The following ASTN2 variants were observed in gnomAD, a reference collection of about 807,000 sequenced individuals.
ASTN2 encodes the protein astrotactin 2, also known as astrotactin-2.
ASTN2 carries 54 observed loss-of-function variants against 139.8 expected under a neutral mutation model. The ratio of observed to expected loss-of-function variants is 0.39; its 90% confidence interval spans 0.31 to 0.48. The LOEUF (loss-of-function observed/expected upper bound fraction) is 0.48, where lower values mean the gene tolerates loss of function less well. Among genes scored for constraint, ASTN2 ranks in the 20% least tolerant of loss-of-function variants. The pLI is 0.95. For missense variants in ASTN2, 1,565 were observed against 1,725.1 expected, an observed-to-expected ratio of 0.91 and a Z score of 1.64; for synonymous variants, 756 against 719.5, an observed-to-expected ratio of 1.05 and a Z score of -0.81.
chr9:116,512,643 C>A (rs1167674991), intron 19 of ASTN2, among the ~76,000 whole-genome samples: 1 of 152,118 alleles, frequency 6.6e-6, no homozygotes, highest in Non-Finnish European at 1.5e-5. Flanking sequence ...GTCTAAGTCT[C>A]TTTGTAAGTC....
chr9:116,680,868 G>A (rs1353122026), intron 16 of ASTN2, among the ~76,000 whole-genome samples: 3 of 152,220 alleles, frequency 2.0e-5, no homozygotes, highest in East Asian at 3.9e-4. Flanking sequence ...TTGATGGGAC[G>A]TATTTGAAAA....
intron 7 of ASTN2, among the ~76,000 whole-genome samples, chr9:116,980,262 T>A (rs992659016): frequency 1.3e-5 from 2 of 152,078 alleles, no homozygotes; most frequent in Non-Finnish European, 2.9e-5. Flanking sequence ...TAGTGAAGAA[T>A]GAAGCTAGTG....
At chr9:116,661,640 G>C (rs1588155639) in intron 16 of ASTN2, among the ~76,000 whole-genome samples, 1 of 152,152 alleles carries the variant, frequency 6.6e-6, no homozygotes, top group East Asian at 1.9e-4. Flanking sequence ...AAAGAAGACA[G>C]TAAGAGAAAA....
intron 3 of ASTN2, among the ~76,000 whole-genome samples, chr9:117,173,912 A>C (rs2132931274): frequency 6.6e-6 from 1 of 151,816 alleles, no homozygotes; most frequent in South Asian, 2.1e-4. Context: ...GTTTTTTTAA[A>C]CCTTTTATCA....
intron 19 of ASTN2, among the ~76,000 whole-genome samples, chr9:116,579,748 C>A (rs763120133): frequency 3.3e-5 from 5 of 152,132 alleles, no homozygotes; most frequent in Non-Finnish European, 7.3e-5. Context: ...AATAAAATAA[C>A]CCCGGCTCTG....
chr9:117,069,315 G>A (rs1394415080), intron 5 of ASTN2, among the ~76,000 whole-genome samples: 5 of 108,680 alleles, frequency 4.6e-5, no homozygotes, highest in Admixed American at 8.7e-5. Context: ...GTAGTTGAGC[G>A]GCTTTGAGTG....
chr9:117,198,605 T>C (rs1831592206), intron 3 of ASTN2, among the ~76,000 whole-genome samples: 1 of 152,186 alleles, frequency 6.6e-6, no homozygotes, highest in African/African-American at 2.4e-5. Flanking sequence ...TAAACATACA[T>C]GTGCATGTAT....
chr9:117,344,143 A>G (rs1829143501), intron 1 of ASTN2, among the ~76,000 whole-genome samples: 1 of 152,014 alleles, frequency 6.6e-6, no homozygotes, highest in South Asian at 2.1e-4. Flanking sequence ...ATGCCTGAAA[A>G]ACGATGCCAG....
chr9:116,465,739 C>T (rs552517049), intron 20 of ASTN2, among the ~76,000 whole-genome samples: 65 of 152,230 alleles, frequency 4.3e-4, no homozygotes, highest in African/African-American at 1.5e-3. Flanking sequence ...AAACACAAAC[C>T]CACTTTGCTC....
intron 2 of ASTN2, among the ~76,000 whole-genome samples, chr9:117,259,289 C>T (rs1224174465): frequency 6.6e-6 from 1 of 152,094 alleles, no homozygotes; most frequent in Admixed American, 6.5e-5. Context: ...GTATATACAA[C>T]CAATGTATAA....
intron 17 of ASTN2, among the ~76,000 whole-genome samples, chr9:116,632,959 G>T (rs1394901625): frequency 6.6e-6 from 1 of 152,206 alleles, no homozygotes; most frequent in Non-Finnish European, 1.5e-5. Context: ...AAAGTTTGTT[G>T]TATGAACGCC....
chr9:117,088,107 A>T (rs1828614474), intron 5 of ASTN2, among the ~76,000 whole-genome samples: 1 of 152,160 alleles, frequency 6.6e-6, no homozygotes, highest in Admixed American at 6.5e-5. Context: ...GACTGAATGG[A>T]TTACCTTTAG....
intron 20 of ASTN2, among the ~76,000 whole-genome samples, chr9:116,461,946 G>C (rs934854177): frequency 3.9e-5 from 6 of 152,080 alleles, no homozygotes; most frequent in African/African-American, 1.4e-4. Context: ...ACATATTTTA[G>C]GTCAGGCATC....
chr9:116,635,728 G>A lies in ASTN2; in HGVS notation c.3073-15285C>T, dbSNP rs549517217. On this transcript the variant is annotated intron_variant, in intron 17 of 22. Transcript: ENST00000313400. ...TAATTTCTGAAAAAGCTCCAGGTTG[G>A]AGCAAGCTGAAGTTGAAGAAGCCAA... 6.6e-5 allele frequency among the ~76,000 whole-genome samples: 10 copies of A among 152,280 alleles called. No homozygotes were observed. In the South Asian group the frequency reaches 2.1e-3, roughly 32 times the overall value.
intron 1 of ASTN2, among the ~76,000 whole-genome samples, chr9:117,356,086 A>T (rs760705533): frequency 4.6e-5 from 7 of 152,088 alleles, no homozygotes; most frequent in Non-Finnish European, 8.8e-5. Flanking sequence ...CGTCATCCCC[A>T]TTTTGTCTAT....
intron 2 of ASTN2, among the ~76,000 whole-genome samples, chr9:117,276,207 T>G (rs532379437): frequency 6.6e-6 from 1 of 152,172 alleles, no homozygotes; most frequent in Non-Finnish European, 1.5e-5. Context: ...ATGATTTTAT[T>G]TGAGAAGGTA....
chr9:116,721,591 C>G lies in ASTN2; in HGVS notation c.2806+4180G>C, dbSNP rs116453054. On this transcript the variant is annotated intron_variant, in intron 16 of 22. Transcript: ENST00000313400. Reference sequence around the variant, plus strand: ...GGAGCAGAGGTGATGGCTAAAGAAACCTGACAGGCTAAACAGCTTCCATGC... The same window carrying G: ...GGAGCAGAGGTGATGGCTAAAGAAAGCTGACAGGCTAAACAGCTTCCATGC... Among the ~76,000 whole-genome samples, 497 of 152,294 alleles carry G rather than the reference C, an allele frequency of 3.3e-3. 2 individuals carry two copies. The highest frequency in any genetic ancestry group is 0.011 in the African/African-American group (444 of 41,552).
chr9:117,175,983 TA>T (rs953230960), intron 3 of ASTN2, among the ~76,000 whole-genome samples: 17 of 151,926 alleles, frequency 1.1e-4, no homozygotes, highest in Non-Finnish European at 2.5e-4. Flanking sequence ...CTTATGTTTT[TA>T]AATATGATTA....
chr9:116,738,615 A>G (rs1190065971), intron 13 of ASTN2, among the ~76,000 whole-genome samples: 1 of 152,234 alleles, frequency 6.6e-6, no homozygotes, highest in Non-Finnish European at 1.5e-5. Context: ...GATGGAAATT[A>G]AAACAGATAT....
Sources: allele counts gnomAD v4.1 joint callset (sites outside exome capture counted in the v4.1 genomes callset), GRCh38; gene constraint gnomAD v4.1.1; transcripts MANE v1.5; gene names NCBI Gene and HGNC (gene_info 2026-07-23, HGNC 2026-07-21).